Variants in CDC14B observed in about 807,000 individuals in gnomAD.
CDC14B encodes dual specificity protein phosphatase CDC14B.
In CDC14B, 22 loss-of-function variants were observed where a neutral mutation model predicts 64.2. The observed-to-expected ratio is 0.34, with a 90% CI of 0.24 to 0.49. CDC14B has a LOEUF of 0.49. Ranked by LOEUF, CDC14B falls within the 20% of genes least tolerant of loss-of-function variation. CDC14B has a pLI of 0.99. For synonymous variants in CDC14B, 191 were observed against 215.8 expected, an observed-to-expected ratio of 0.89 and a Z score of 1.01; for missense variants, 498 against 629.9, an observed-to-expected ratio of 0.79 and a Z score of 2.24.
At chr9:96,604,708 C>T (rs1270416216) in intron 1 of CDC14B, among the ~76,000 whole-genome samples, 1 of 145,028 alleles carries the variant, frequency 6.9e-6, no homozygotes, top group Non-Finnish European at 1.5e-5. Flanking sequence ...TTGCTCTGTC[C>T]CCCAGGCTGG....
rs34988377 is a variant in CDC14B, at chr9:96,502,594, ATTTTT to A, written c.*1154_*1158del. The A allele has an allele frequency of 3.0e-4, 76 of 253,268 alleles. No individual in the cohort carries two copies. Among genetic ancestry groups the A allele is most frequent in the Non-Finnish European group, 4.1e-4 (56 of 138,256 alleles). The allele number at this position is 253,268 out of a possible 1,614,324, so 15.7% of individuals were successfully genotyped here. On this transcript the variant is annotated 3_prime_UTR_variant, in exon 14 of 14. Transcript: ENST00000375241. ...TATATATTCTTTTATTTCGGGCCCC[ATTTTT>A]TTTTTTTTTTTTAGCAGCACATCAA... is the stretch of plus-strand genomic sequence containing the variant.
At chr9:96,584,431 G>A (rs1845346600) in intron 1 of CDC14B, among the ~76,000 whole-genome samples, 2 of 152,040 alleles carry the variant, frequency 1.3e-5, no homozygotes, top group Admixed American at 6.6e-5. Context: ...TAAAACATTT[G>A]GATCATAGTC....
At chr9:96,583,964 T>C (rs546449385) in intron 1 of CDC14B, among the ~76,000 whole-genome samples, 53 of 152,014 alleles carry the variant, frequency 3.5e-4, no homozygotes, top group African/African-American at 1.3e-3. Context: ...GTGATCCGCC[T>C]GCCTCGGCCT....
At chr9:96,587,589 A>G (rs531619755) in intron 1 of CDC14B, among the ~76,000 whole-genome samples, 1 of 152,334 alleles carries the variant, frequency 6.6e-6, no homozygotes, top group Admixed American at 6.5e-5. Context: ...AAACAAGTGA[A>G]TATGTACACA....
intron 1 of CDC14B, among the ~76,000 whole-genome samples, chr9:96,610,345 C>T (rs1847234932): frequency 1.3e-5 from 2 of 152,100 alleles, no homozygotes; most frequent in South Asian, 2.1e-4. Flanking sequence ...ACTACAGGTG[C>T]CCGCCACCAC....
At chr9:96,557,582 A>G (rs1315688366) in intron 4 of CDC14B, among the ~76,000 whole-genome samples, 1 of 152,246 alleles carries the variant, frequency 6.6e-6, no homozygotes, top group Non-Finnish European at 1.5e-5. Context: ...AAAGTCCCTG[A>G]GCTCTTATCA....
At chr9:96,523,161 A>G in intron 11 of CDC14B, 100 bp downstream of exon 11, 2 of 1,255,984 alleles carry the variant, frequency 1.6e-6, no homozygotes, top group Admixed American at 4.3e-5. Context: ...ATCATCCAAG[A>G]GCTGCTTTAT....
In CDC14B at chr9:96,574,622, A is replaced by G. The variant is rs189052388; in HGVS notation, c.161-9139T>C. Among the ~76,000 whole-genome samples the G allele has an allele frequency of 4.1e-3, 616 of 150,976 alleles. 4 individuals are homozygous for G. The highest frequency in any genetic ancestry group is 6.2e-3 in the Non-Finnish European group (423 of 67,882). On this transcript the variant is annotated intron_variant, in intron 1 of 13. Coordinates refer to ENST00000375241, the MANE Select transcript of CDC14B (RefSeq NM_033331.4). ...GATTACATAAAGATTTAGTGTTTCA[A>G]TACAAAAATTAGCTGGGAGCCGAGA...
chr9:96,513,070 T>C (rs1835136315), intron 12 of CDC14B, among the ~76,000 whole-genome samples: 1 of 152,226 alleles, frequency 6.6e-6, no homozygotes, highest in Non-Finnish European at 1.5e-5. Context: ...CCTGTAGTCA[T>C]TCTCAGGCTG....
At chr9:96,555,673 G>GT (rs749877253) in intron 4 of CDC14B, among the ~76,000 whole-genome samples, 19 of 152,248 alleles carry the variant, frequency 1.2e-4, no homozygotes, top group South Asian at 2.1e-4. Context: ...GGAGGCATCA[G>GT]TAAGACCTTG....
chr9:96,503,752 C>G lies in CDC14B; in HGVS notation c.*1G>C. 1 of 1,613,548 alleles carries G rather than the reference C, an allele frequency of 6.2e-7. No homozygotes were observed. The highest frequency in any genetic ancestry group is 1.1e-5 in the South Asian group (1 of 91,048). ...CTTCAGCTCTGGTCACAGGTTTTTA[C>G]TTAACGCAAGACTGTTTTAGTCCTT... is the stretch of plus-strand genomic sequence containing the variant. On this transcript the variant is annotated 3_prime_UTR_variant, in exon 14 of 14. Coordinates refer to ENST00000375241, the MANE Select transcript of CDC14B (RefSeq NM_033331.4).
intron 1 of CDC14B, among the ~76,000 whole-genome samples, chr9:96,597,603 A>T (rs1279919845): frequency 1.3e-5 from 2 of 152,102 alleles, no homozygotes; most frequent in Non-Finnish European, 2.9e-5. Flanking sequence ...AATCTTCAAA[A>T]ACAAAGGCAC....
chr9:96,565,480 C>G lies in CDC14B; in HGVS notation c.164G>C (p.Arg55Pro). The G allele has an allele frequency of 6.2e-7, 1 of 1,606,002 alleles. No individual in the cohort carries two copies. Among genetic ancestry groups the G allele is most frequent in the Non-Finnish European group, 8.5e-7 (1 of 1,172,766 alleles). ...GCTGTAGAGAATGGCAAAACAAAGG[C>G]GATCTGAAATGGAAAAATTGCAATG... ...QDDVYLDITD[R>P]LCFAILYSRP... Residue 55 changes from arginine to proline, a missense_variant, in exon 2 of 14, where the codon CGC becomes CCC. By Grantham distance (103) the Arg-to-Pro change is moderately radical. Coordinates refer to ENST00000375241, the MANE Select transcript of CDC14B (RefSeq NM_033331.4).
At chr9:96,584,485 A>G (rs1237195912) in intron 1 of CDC14B, among the ~76,000 whole-genome samples, 1 of 151,680 alleles carries the variant, frequency 6.6e-6, no homozygotes, top group Non-Finnish European at 1.5e-5. Context: ...GGCACAGAGG[A>G]AGAAAGCATT....
rs1284860959 is a variant in CDC14B at position 96,515,895 on chromosome 9, TAAAAGCCCAGCCAACAGCAAC to T, written c.1344-6127_1344-6107del. On this transcript the variant is annotated intron_variant, in intron 12 of 13. Coordinates refer to ENST00000375241, the MANE Select transcript of CDC14B (RefSeq NM_033331.4). This position sits in a 1 kb window ranked among gnomAD's most constrained non-coding sequence, Gnocchi z 4.3. ...AGCCATATGTGAATTTTAGACACCC[TAAAAGCCCAGCCAACAGCAAC>T]AGGGATACAAAGGGGTGGTCAACAA... is the stretch of plus-strand genomic sequence containing the variant. The T allele has an allele frequency of 9.0e-6, 10 of 1,110,068 alleles. No individual in the cohort carries two copies. The African/African-American group carries it at 9.5e-5, about 11-fold the overall frequency. 68.8% of individuals were successfully genotyped at this position (1,110,068 alleles called of 1,614,324 possible). A position where few individuals can be genotyped will look rare whatever the true frequency, so the allele number is the denominator to read the frequency against.
intron 7 of CDC14B, among the ~76,000 whole-genome samples, chr9:96,537,753 T>G (rs1411284718): frequency 1.3e-5 from 2 of 152,156 alleles, no homozygotes; most frequent in Non-Finnish European, 2.9e-5. Context: ...GACAGAATCT[T>G]GCTCTGTCAC....
At chr9:96,553,794 A>G (rs991478520) in intron 4 of CDC14B, among the ~76,000 whole-genome samples, 2 of 152,146 alleles carry the variant, frequency 1.3e-5, no homozygotes, top group Non-Finnish European at 2.9e-5. Flanking sequence ...AACACTTACC[A>G]GATAACATCA....
At chr9:96,518,212 T>C (rs1166761271) in intron 12 of CDC14B, among the ~76,000 whole-genome samples, 1 of 152,116 alleles carries the variant, frequency 6.6e-6, no homozygotes, top group African/African-American at 2.4e-5. Context: ...CTCATCACTG[T>C]CATCATTAAA....
chr9:96,603,301 A>G (rs541730435), intron 1 of CDC14B, among the ~76,000 whole-genome samples: 1 of 152,160 alleles, frequency 6.6e-6, no homozygotes. Context: ...CTCTTTTGTT[A>G]TCTTTTGAAT....
Sources: gnomAD v4.1 joint callset for allele counts (sites outside exome capture counted in the v4.1 genomes callset) on GRCh38, gnomAD v4.1.1 for gene constraint, Gnocchi (gnomAD v3.1) non-coding constraint, MANE v1.5 for transcripts, NCBI Gene and HGNC (gene_info 2026-07-23, HGNC 2026-07-21) for gene names.